Variants in MAL2 observed in about 807,000 individuals in gnomAD.
MAL2 encodes mal, T cell differentiation protein 2.
MAL2 carries 17 observed loss-of-function variants against 18.1 expected under a neutral mutation model. The ratio of observed to expected loss-of-function variants is 0.94; its 90% CI spans 0.64 to 1.41. The LOEUF is 1.41. Ranked by LOEUF, MAL2 falls within the 40% of genes most tolerant of loss-of-function variation. The pLI is 0.00. For missense variants in MAL2, 222 were observed against 231.9 expected (o/e 0.96, Z 0.28); for synonymous variants, 102 against 102.3 (o/e 1.00, Z 0.02).
chr8:119,222,829 C>CAAA (rs11309798), intron 2 of MAL2, among the ~76,000 whole-genome samples: 2 of 107,426 alleles, frequency 1.9e-5, no homozygotes, highest in South Asian at 2.8e-4. Context: ...CCTTGTCTCT[C>CAAA]AAAAAAAAAA....
chr8:119,235,396 T>A (rs1283230204), intron 2 of MAL2, among the ~76,000 whole-genome samples: 2 of 152,118 alleles, frequency 1.3e-5, no homozygotes, highest in Non-Finnish European at 2.9e-5. Flanking sequence ...CCAGGAGAAC[T>A]TCCCCAATCT....
intron 1 of MAL2, among the ~76,000 whole-genome samples, chr8:119,214,887 CTAAA>C (rs1474725097): frequency 6.6e-6 from 1 of 152,190 alleles, no homozygotes; most frequent in African/African-American, 2.4e-5. Context: ...TCCTAACTAA[CTAAA>C]TAAATAAACA....
intron 3 of MAL2, 82 bp downstream of exon 3, chr8:119,240,402 A>G (rs1175199818): frequency 2.8e-5 from 40 of 1,421,084 alleles, no homozygotes; most frequent in Non-Finnish European, 1.9e-6. Flanking sequence ...CTCAGGCAAC[A>G]ATAGTTTTCT....
intron 2 of MAL2, among the ~76,000 whole-genome samples, chr8:119,229,040 C>T (rs1331442462): frequency 6.6e-6 from 1 of 152,122 alleles, no homozygotes; most frequent in African/African-American, 2.4e-5. Context: ...ACCATGGGTA[C>T]TCTGTTTATG....
At chr8:119,232,250 G>C (rs753102705) in intron 2 of MAL2, among the ~76,000 whole-genome samples, 1 of 150,454 alleles carries the variant, frequency 6.6e-6, no homozygotes, top group Non-Finnish European at 1.5e-5. Flanking sequence ...GAAAACTAAA[G>C]AAACTGGACT....
chr8:119,224,809 A>G (rs1284126007), intron 2 of MAL2, among the ~76,000 whole-genome samples: 2 of 152,314 alleles, frequency 1.3e-5, no homozygotes, highest in East Asian at 3.9e-4. Context: ...GTTTTCAAAT[A>G]ATAAGTGAGT....
chr8:119,217,376 G>T (rs1200174161), intron 1 of MAL2, among the ~76,000 whole-genome samples: 1 of 152,182 alleles, frequency 6.6e-6, no homozygotes, highest in Non-Finnish European at 1.5e-5. Flanking sequence ...CCTAAAGTTG[G>T]GTTAAGAAGA....
At chr8:119,241,272 A>G (rs1818041974) in intron 3 of MAL2, among the ~76,000 whole-genome samples, 2 of 152,162 alleles carry the variant, frequency 1.3e-5, no homozygotes, top group Admixed American at 1.3e-4. Flanking sequence ...TCATGCCTGT[A>G]ATCCCAGCAC....
chr8:119,215,504 C>G (rs1477176784), intron 1 of MAL2: 1 of 152,180 alleles, frequency 6.6e-6, no homozygotes, highest in African/African-American at 2.4e-5. Flanking sequence ...TCTGACGTCA[C>G]AGTCTAGTGG....
At chr8:119,234,388 G>A (rs1587138506) in intron 2 of MAL2, among the ~76,000 whole-genome samples, 2 of 152,142 alleles carry the variant, frequency 1.3e-5, no homozygotes, top group Admixed American at 6.5e-5. Flanking sequence ...GGGGAGGGGC[G>A]CCCGCCATTG....
chr8:119,213,182 T>C (rs775535869), intron 1 of MAL2, among the ~76,000 whole-genome samples: 4 of 152,140 alleles, frequency 2.6e-5, no homozygotes, highest in Non-Finnish European at 4.4e-5. Flanking sequence ...TAAACTTAAA[T>C]ATAAGATGTA....
At chr8:119,214,304 C>T (rs1005044061) in intron 1 of MAL2, among the ~76,000 whole-genome samples, 2 of 152,208 alleles carry the variant, frequency 1.3e-5, no homozygotes. Context: ...TCTTGCCCAA[C>T]ATGTAAACTG....
At position 119,221,627 on chromosome 8, in the gene MAL2, A is replaced by G. The variant is rs770527756; in HGVS notation, c.173A>G (p.Asn58Ser). The G allele has an allele frequency of 2.5e-6, 4 of 1,613,708 alleles. No individual in the cohort carries two copies. Among genetic ancestry groups the G allele is most frequent in the Non-Finnish European group, 3.4e-6 (4 of 1,179,772 alleles). ...GTCTGGATTTTGGTTGCCTCCTCCA[A>G]TGTTCCTCTACCTCTACTACAAGGA... ...GLVWILVASS[N>S]VPLPLLQGWV... Residue 58 changes from asparagine (N) to serine (S), a missense_variant, in exon 2 of 4, where the codon AAT becomes AGT. Transcript: ENST00000614891.
At chr8:119,236,353 T>C (rs1428249144) in intron 2 of MAL2, among the ~76,000 whole-genome samples, 2 of 148,358 alleles carry the variant, frequency 1.3e-5, no homozygotes, top group Non-Finnish European at 2.9e-5. Flanking sequence ...TGGGAGACTT[T>C]AACACCCCAC....
chr8:119,209,805 A>T (rs940151229), intron 1 of MAL2, among the ~76,000 whole-genome samples: 4 of 152,216 alleles, frequency 2.6e-5, no homozygotes, highest in African/African-American at 9.7e-5. Flanking sequence ...AGGCTATGAC[A>T]TCAGTAATGG....
At chr8:119,233,424 T>C (rs541538424) in intron 2 of MAL2, among the ~76,000 whole-genome samples, 2,236 of 152,048 alleles carry the variant, frequency 0.015, 54 homozygotes, top group African/African-American at 0.052. Flanking sequence ...ATTGATAGAC[T>C]GCTAGCAAGA....
chr8:119,235,102 A>C (rs1043245198), intron 2 of MAL2, among the ~76,000 whole-genome samples: 2 of 152,104 alleles, frequency 1.3e-5, no homozygotes, highest in African/African-American at 4.8e-5. Context: ...ACCAATACAG[A>C]GAAGTGCTTA....
At chr8:119,218,455 C>G (rs556314342) in intron 1 of MAL2, among the ~76,000 whole-genome samples, 1 of 152,248 alleles carries the variant, frequency 6.6e-6, no homozygotes, top group South Asian at 2.1e-4. Flanking sequence ...CCTGCCTCCC[C>G]TGCCTACCTT....
At chr8:119,243,318 G>C in intron 3 of MAL2, 99 bp from the exon 4 acceptor site, 1 of 734,920 alleles carries the variant, frequency 1.4e-6, no homozygotes, top group Non-Finnish European at 2.1e-6. Context: ...AGTATCTTTA[G>C]GTAGATTGTT....
Sources: gnomAD v4.1 joint callset for allele counts (sites outside exome capture counted in the v4.1 genomes callset) on GRCh38, gnomAD v4.1.1 for gene constraint, MANE v1.5 for transcripts, NCBI Gene and HGNC (gene_info 2026-07-23, HGNC 2026-07-21) for gene names.